RAPGEF4: variants seen among roughly 807,000 people sequenced by gnomAD.
The protein encoded by RAPGEF4 is Rap guanine nucleotide exchange factor 4, also known as RAP guanine-nucleotide-exchange factor (GEF) 4.
In RAPGEF4, 66 loss-of-function variants were observed where a neutral mutation model predicts 147.9. That is an observed-to-expected ratio of 0.45 (90% CI 0.37 to 0.55). The LOEUF (loss-of-function observed/expected upper bound fraction) is 0.55, where lower values mean the gene tolerates loss of function less well. RAPGEF4 is among the 20% of genes least tolerant of loss of function. The pLI, the probability that RAPGEF4 is intolerant of heterozygous loss-of-function variation, is 0.00. For synonymous variants in RAPGEF4, 419 were observed against 442.7 expected, an observed-to-expected ratio of 0.95 and a Z score of 0.67; for missense variants, 1,071 against 1,257.3, an observed-to-expected ratio of 0.85 and a Z score of 2.24.
chr2:173,031,940 T>C (rs1697230147), intron 26 of RAPGEF4, among the ~76,000 whole-genome samples: 1 of 152,084 alleles, frequency 6.6e-6, no homozygotes, highest in Non-Finnish European at 1.5e-5. Context: ...AAGCCTCCCA[T>C]GCAACTCCAT....
chr2:172,853,902 G>T (rs1198760682), intron 4 of RAPGEF4, among the ~76,000 whole-genome samples: 1 of 151,482 alleles, frequency 6.6e-6, no homozygotes, highest in Non-Finnish European at 1.5e-5. Context: ...TATTTTTTAG[G>T]ATTTCAGTCT....
At chr2:172,973,920 A>C (rs1575416398) in intron 10 of RAPGEF4, among the ~76,000 whole-genome samples, 2 of 152,306 alleles carry the variant, frequency 1.3e-5, no homozygotes, top group South Asian at 4.1e-4. Flanking sequence ...TTCTATTCTT[A>C]CCAGTTTATC....
rs75559876 is a variant in RAPGEF4 at position 172,977,815 on chromosome 2, C to T, written c.1005-5681C>T. 3.6e-3 allele frequency among the ~76,000 whole-genome samples: 552 copies of T among 152,278 alleles called. 1 individual carries two copies. The highest frequency in any genetic ancestry group is 0.012 in the African/African-American group (498 of 41,554). ...TCATTTTTTAAAGTAAGTCTCTTCA[C>T]ACCTGGCAGTCCTGACTTCTCTCAC... On this transcript the variant is annotated intron_variant, in intron 10 of 30. Coordinates refer to ENST00000397081, the MANE Select transcript of RAPGEF4 (RefSeq NM_007023.4).
intron 1 of RAPGEF4, among the ~76,000 whole-genome samples, chr2:172,778,918 T>G (rs1401688271): frequency 6.6e-6 from 1 of 152,230 alleles, no homozygotes; most frequent in Non-Finnish European, 1.5e-5. Context: ...TTATTTATTT[T>G]ATTGAGAACA....
rs1027178950 is a variant in RAPGEF4 at position 172,911,140 on chromosome 2, T to A, written c.445-6662T>A. ...TATGGCGTCAACTCAAAGTCCAGGA[T>A]CCCATCAGCTAAATCAGATCTGGAT... On this transcript the variant is annotated intron_variant, in intron 4 of 30. Transcript: ENST00000397081. 3.3e-5 allele frequency among the ~76,000 whole-genome samples: 5 copies of A among 152,122 alleles called. No homozygotes were observed. The East Asian group carries it at 9.7e-4, about 29-fold the overall frequency.
chr2:172,772,316 ATTTTATTATTTATATTATTTT>A, intron 1 of RAPGEF4, among the ~76,000 whole-genome samples: 1 of 142,468 alleles, frequency 7.0e-6, no homozygotes, highest in South Asian at 2.1e-4. Flanking sequence ...TTTTTATATT[ATTTTATTATTTATATTATTTT>A]ATTATTTTAT....
chr2:172,857,250 A>G (rs1449318014), intron 4 of RAPGEF4, among the ~76,000 whole-genome samples: 1 of 152,182 alleles, frequency 6.6e-6, no homozygotes, highest in Non-Finnish European at 1.5e-5. Flanking sequence ...GGTAAGTGGC[A>G]GAACCATGAT....
Position 173,017,217 on chromosome 2 carries a change from A to G in RAPGEF4, c.1929+13A>G, listed in dbSNP as rs776849890. ...ACCACAAAAGAAGGTAGGTGGCATGAACTTGCATTCTCTGTCTGTGTCCTG... is the reference window on the plus strand; with the variant it reads ...ACCACAAAAGAAGGTAGGTGGCATGGACTTGCATTCTCTGTCTGTGTCCTG... On this transcript the variant is annotated intron_variant, in intron 20 of 30. Transcript: ENST00000397081. 1 of 1,611,150 alleles carries G rather than the reference A, an allele frequency of 6.2e-7. No individual in the cohort carries two copies. Among genetic ancestry groups the G allele is most frequent in the South Asian group, 1.1e-5 (1 of 91,008 alleles).
rs374400499 is a variant in RAPGEF4 at position 172,823,384 on chromosome 2, C to T, written c.444+8959C>T. On this transcript the variant is annotated intron_variant, in intron 4 of 30. Transcript: ENST00000397081. ...CTCAGCCTGTCATGTGTTGTGATTC[C>T]AAATGTCTGGGTTTGTTTTTTGTTG... 5.3e-5 allele frequency among the ~76,000 whole-genome samples: 8 copies of T among 152,190 alleles called. No individual in the cohort carries two copies. In the East Asian group the frequency reaches 1.3e-3, roughly 26 times the overall value.
intron 4 of RAPGEF4, among the ~76,000 whole-genome samples, chr2:172,910,654 C>T (rs1224409651): frequency 1.3e-5 from 2 of 152,190 alleles, no homozygotes; most frequent in East Asian, 3.9e-4. Context: ...CATTTGGAGG[C>T]TTCAGAGGCT....
chr2:172,847,547 C>T (rs761835695), intron 4 of RAPGEF4, among the ~76,000 whole-genome samples: 2 of 152,116 alleles, frequency 1.3e-5, no homozygotes, highest in Non-Finnish European at 2.9e-5. Context: ...CGTGTGTATT[C>T]CTGTGGGACA....
intron 1 of RAPGEF4, among the ~76,000 whole-genome samples, chr2:172,783,588 AG>A (rs1684891800): frequency 6.6e-6 from 1 of 152,082 alleles, no homozygotes; most frequent in South Asian, 2.1e-4. Context: ...GCTCCTTCAA[AG>A]GGGTTTTTTT....
At chr2:172,927,143 T>C (rs1311133092) in intron 6 of RAPGEF4, among the ~76,000 whole-genome samples, 3 of 152,144 alleles carry the variant, frequency 2.0e-5, no homozygotes, top group African/African-American at 7.2e-5. Flanking sequence ...AAGAATAAGT[T>C]TTAGAAATTA....
intron 22 of RAPGEF4, 33 bp downstream of exon 22, chr2:173,018,835 A>C: frequency 6.2e-7 from 1 of 1,602,132 alleles, no homozygotes; most frequent in Non-Finnish European, 8.5e-7. Context: ...TAGGCTCTGC[A>C]AAATGGGACA....
intron 30 of RAPGEF4, among the ~76,000 whole-genome samples, chr2:173,049,235 TA>T (rs967180744): frequency 6.6e-6 from 1 of 152,146 alleles, no homozygotes; most frequent in African/African-American, 2.4e-5. Flanking sequence ...TACTTTAATA[TA>T]AAAAAATTAC....
At chr2:172,904,443 A>G (rs1699404809) in intron 4 of RAPGEF4, among the ~76,000 whole-genome samples, 1 of 152,204 alleles carries the variant, frequency 6.6e-6, no homozygotes, top group Non-Finnish European at 1.5e-5. Context: ...ATTAAGTAGC[A>G]TTGACCTACT....
chr2:172,896,139 C>T (rs896428195), intron 4 of RAPGEF4, among the ~76,000 whole-genome samples: 1 of 152,206 alleles, frequency 6.6e-6, no homozygotes, highest in Non-Finnish European at 1.5e-5. Context: ...AGGAATTTAA[C>T]ATAGAATAAG....
chr2:172,736,209 G>A, intron 1 of RAPGEF4, 161 bp downstream of exon 1: 1 of 422,142 alleles, frequency 2.4e-6, no homozygotes, highest in Non-Finnish European at 3.9e-6. Flanking sequence ...GAGACAGGAG[G>A]ACAAGGATCC....
At chr2:172,854,792 G>A (rs2676510) in intron 4 of RAPGEF4, among the ~76,000 whole-genome samples, 117,332 of 152,030 alleles carry the variant, frequency 0.77, 45,561 homozygotes, top group East Asian at 0.96. Context: ...AACAAAAATA[G>A]AGAGGTGAAA....
Sources: allele counts gnomAD v4.1 joint callset (sites outside exome capture counted in the v4.1 genomes callset), GRCh38; gene constraint gnomAD v4.1.1; transcripts MANE v1.5; gene names NCBI Gene and HGNC (gene_info 2026-07-23, HGNC 2026-07-21).